Variants in RCOR1 observed in about 807,000 individuals in gnomAD.
The protein encoded by RCOR1 is REST corepressor 1.
Under a neutral mutation model 64.0 loss-of-function variants are expected in RCOR1, and 12 were observed. The observed-to-expected ratio is 0.19, with a 90% CI of 0.12 to 0.30. The LOEUF (loss-of-function observed/expected upper bound fraction) is 0.30. RCOR1 is among the 10% of genes least tolerant of loss of function. The pLI is 1.00. For missense variants in RCOR1, 502 were observed against 621.2 expected, an observed-to-expected ratio of 0.81 and a Z score of 2.04; for synonymous variants, 279 against 227.2, an observed-to-expected ratio of 1.23 and a Z score of -2.05.
At chr14:102,707,631 C>T in intron 5 of RCOR1, 119 bp downstream of exon 5, 2 of 898,490 alleles carry the variant, frequency 2.2e-6, no homozygotes, top group Non-Finnish European at 3.3e-6. Context: ...GATAAAGTTC[C>T]CCTTTAGATT....
chr14:102,726,567 A>C lies in RCOR1; in HGVS notation c.*61A>C. 2.2e-6 allele frequency: 3 copies of C among 1,394,764 alleles called. No homozygotes were observed. In the East Asian group the frequency reaches 6.9e-5, roughly 32 times the overall value. The allele number at this position is 1,394,764 out of a possible 1,614,324, so 86.4% of individuals were successfully genotyped here. A position where few individuals can be genotyped will look rare whatever the true frequency, so the allele number is the denominator to read the frequency against. ...TGTGTTATCCGGGATATCAGGTATT[A>C]TGAGACATCACCTAGCCATCTGCAT... On this transcript the variant is annotated 3_prime_UTR_variant, in exon 12 of 12. Transcript: ENST00000262241.
rs56991991 is a variant in RCOR1 at position 102,616,206 on chromosome 14, ATGTGTGTGTGTGTGTGTG to A, written c.361+22907_361+22924del. Among the ~76,000 whole-genome samples, 776 of 149,252 alleles carry A rather than the reference ATGTGTGTGTGTGTGTGTG, an allele frequency of 5.2e-3. 3 individuals are homozygous for A. Among genetic ancestry groups the A allele is most frequent in the African/African-American group, 7.3e-3 (293 of 40,348 alleles). ...TTTATTACAAAAGATACATGTGTAT[ATGTGTGTGTGTGTGTGTG>A]TGTGTGTGTGTGTGTGTGTGTGTGT... On this transcript the variant is annotated intron_variant, in intron 2 of 11. Coordinates refer to ENST00000262241, the MANE Select transcript of RCOR1 (RefSeq NM_015156.4).
chr14:102,676,979 C>T (rs1408730955), intron 2 of RCOR1, among the ~76,000 whole-genome samples: 1 of 101,768 alleles, frequency 9.8e-6, no homozygotes, highest in Non-Finnish European at 2.0e-5. Flanking sequence ...GTAGGGGCGG[C>T]CGGGCAGAGG....
chr14:102,599,522 G>T (rs893079019), intron 2 of RCOR1, among the ~76,000 whole-genome samples: 1 of 152,076 alleles, frequency 6.6e-6, no homozygotes. Context: ...GAATATTTTT[G>T]AGATAGTGGC....
chr14:102,707,538 T>C (rs1321285061), intron 5 of RCOR1, 26 bp downstream of exon 5: 3 of 1,561,928 alleles, frequency 1.9e-6, no homozygotes, highest in South Asian at 1.2e-5. Context: ...CACTGAGTTC[T>C]ATTTTTTTTC....
At chr14:102,635,246 A>G (rs1349801301) in intron 2 of RCOR1, among the ~76,000 whole-genome samples, 3 of 152,208 alleles carry the variant, frequency 2.0e-5, no homozygotes, top group Non-Finnish European at 2.9e-5. Context: ...GCTCATGCCT[A>G]TAATCCCAGC....
intron 3 of RCOR1, among the ~76,000 whole-genome samples, chr14:102,686,514 G>A (rs1056692268): frequency 1.3e-5 from 2 of 152,164 alleles, no homozygotes; most frequent in African/African-American, 4.8e-5. Context: ...TGTGGATTCC[G>A]ACAAATGTAT....
At chr14:102,700,614 C>T (rs1005129452) in intron 3 of RCOR1, among the ~76,000 whole-genome samples, 28 of 152,206 alleles carry the variant, frequency 1.8e-4, no homozygotes, top group Non-Finnish European at 8.8e-5. Flanking sequence ...AGGGATCCTC[C>T]CGCCTCAGCT....
rs1254257076 is a variant in RCOR1 at position 102,592,675 on chromosome 14, G to A, written c.-212G>A. On this transcript the variant is annotated 5_prime_UTR_variant, in exon 1 of 12. An upstream start codon of the reference 5' UTR is lost. Transcript: ENST00000262241. ...GTGCCAGTGAAGTGAGGGCGGCGAT[G>A]AGAGCGAAAGTTGCGCTCGGCTCGT... 9 of 1,228,256 alleles carry A rather than the reference G, an allele frequency of 7.3e-6. No individual in the cohort carries two copies. Among genetic ancestry groups the A allele is most frequent in the East Asian group, 3.2e-5 (1 of 31,528 alleles). The allele number at this position is 1,228,256 out of a possible 1,614,324, so 76.1% of individuals were successfully genotyped here. A position where few individuals can be genotyped will look rare whatever the true frequency, so the allele number is the denominator to read the frequency against.
chr14:102,593,606 C>T (rs1248963769), intron 2 of RCOR1, among the ~76,000 whole-genome samples: 8 of 152,224 alleles, frequency 5.3e-5, no homozygotes, highest in Non-Finnish European at 1.0e-4. Context: ...GGTGGCCACA[C>T]CTGGCCTGGG....
chr14:102,676,765 TG>T (rs1895173522), intron 2 of RCOR1, among the ~76,000 whole-genome samples: 2 of 76,540 alleles, frequency 2.6e-5, no homozygotes, highest in African/African-American at 5.9e-5. Flanking sequence ...ACGGGGCGGC[TG>T]GCCGGGCAGA....
intron 3 of RCOR1, among the ~76,000 whole-genome samples, chr14:102,697,569 T>A (rs1327841744): frequency 1.3e-5 from 2 of 152,246 alleles, no homozygotes; most frequent in Non-Finnish European, 2.9e-5. Flanking sequence ...TAATTCCTTT[T>A]ACAGGTTAGA....
chr14:102,615,444 A>G (rs912575386), intron 2 of RCOR1, among the ~76,000 whole-genome samples: 3 of 145,286 alleles, frequency 2.1e-5, no homozygotes, highest in African/African-American at 2.6e-5. Context: ...GGCCTGCATA[A>G]TTCTTTTTTT....
chr14:102,702,377 A>G (rs1895771121), intron 4 of RCOR1, among the ~76,000 whole-genome samples: 1 of 151,970 alleles, frequency 6.6e-6, no homozygotes, highest in African/African-American at 2.4e-5. Flanking sequence ...CATAAAAATT[A>G]CCATTAGCAA....
intron 2 of RCOR1, among the ~76,000 whole-genome samples, chr14:102,624,660 G>A (rs756622911): frequency 3.1e-4 from 47 of 152,066 alleles, no homozygotes; most frequent in Middle Eastern, 6.8e-3. Context: ...CAGCTACTTC[G>A]GAGACTGAGG....
intron 4 of RCOR1, among the ~76,000 whole-genome samples, chr14:102,701,681 T>C (rs1007220896): frequency 2.0e-5 from 3 of 152,218 alleles, no homozygotes; most frequent in African/African-American, 7.2e-5. Flanking sequence ...TGACGCATGT[T>C]TTCACATTCT....
chr14:102,697,459 C>T (rs928248777), intron 3 of RCOR1, among the ~76,000 whole-genome samples: 8 of 152,032 alleles, frequency 5.3e-5, no homozygotes, highest in Non-Finnish European at 1.0e-4. Context: ...AATACAGCAC[C>T]CCAGGCATTC....
intron 3 of RCOR1, among the ~76,000 whole-genome samples, chr14:102,695,213 G>C (rs920699904): frequency 6.6e-6 from 1 of 152,166 alleles, no homozygotes; most frequent in African/African-American, 2.4e-5. Context: ...GAAGTTTAGC[G>C]TCCATCTGTT....
At chr14:102,697,227 A>G (rs1419101407) in intron 3 of RCOR1, among the ~76,000 whole-genome samples, 2 of 151,936 alleles carry the variant, frequency 1.3e-5, no homozygotes, top group Non-Finnish European at 2.9e-5. Flanking sequence ...CAGTTAGGTG[A>G]TAACCTGGCT....
Sources: allele counts gnomAD v4.1 joint callset (sites outside exome capture counted in the v4.1 genomes callset), GRCh38; gene constraint gnomAD v4.1.1; transcripts MANE v1.5; gene names NCBI Gene and HGNC (gene_info 2026-07-23, HGNC 2026-07-21).